FAAH2: variants seen among roughly 807,000 people sequenced by gnomAD.
FAAH2 encodes fatty-acid amide hydrolase 2.
In FAAH2, 60 loss-of-function variants were observed where a neutral mutation model predicts 36.9. The ratio of observed to expected loss-of-function variants is 1.63; its 90% CI spans 1.32 to 2.02. The LOEUF is 2.02. Among genes scored for constraint, FAAH2 ranks in the 30% most tolerant of loss-of-function variants. FAAH2 has a pLI of 0.00. For synonymous variants in FAAH2, 214 were observed against 143.8 expected (o/e 1.49, Z -3.49); for missense variants, 689 against 397.5 (o/e 1.73, Z -6.23).
intron 8 of FAAH2, among the ~76,000 whole-genome samples, chrX:57,435,570 A>G (rs1243771406): frequency 9.0e-6 from 1 of 110,548 alleles, no homozygotes; most frequent in East Asian, 2.8e-4. Context: ...TATAGCAGAT[A>G]TTAAATTAAA....
chrX:57,194,952 T>C, the FAAH2 span, among the ~76,000 whole-genome samples: 2 of 111,790 alleles, frequency 1.8e-5, no homozygotes, highest in Non-Finnish European at 3.8e-5. Flanking sequence ...CCATGGTGTG[T>C]GTGTATGTGT....
chrX:57,346,157 G>T (rs1368883553), intron 5 of FAAH2, among the ~76,000 whole-genome samples: 4 of 110,881 alleles, frequency 3.6e-5, no homozygotes, highest in Admixed American at 1.9e-4. Context: ...CAAATGTTAA[G>T]GTTATATCCT....
the FAAH2 span, among the ~76,000 whole-genome samples, chrX:57,138,041 A>T: frequency 1.8e-5 from 2 of 112,051 alleles, no homozygotes; most frequent in African/African-American, 6.5e-5. Flanking sequence ...GAATACATAC[A>T]TTAAGTGTTT....
chrX:57,168,440 G>A, the FAAH2 span, among the ~76,000 whole-genome samples: 1 of 111,141 alleles, frequency 9.0e-6, no homozygotes, highest in Non-Finnish European at 1.9e-5. Context: ...GCAACCATCT[G>A]TACTTATTTA....
chrX:57,478,072 C>A (rs1394620666), intron 10 of FAAH2, among the ~76,000 whole-genome samples: 1 of 112,078 alleles, frequency 8.9e-6, no homozygotes, highest in African/African-American at 3.2e-5. Flanking sequence ...ACACTGTCTT[C>A]CACAATAGTA....
At chrX:57,366,591 T>C (rs1242945824) in intron 5 of FAAH2, among the ~76,000 whole-genome samples, 2 of 112,359 alleles carry the variant, frequency 1.8e-5, no homozygotes, top group Non-Finnish European at 3.8e-5. Flanking sequence ...CGCATGTGCA[T>C]GCTGGCAGGG....
chrX:57,366,326 A>C (rs1055419059), intron 5 of FAAH2, among the ~76,000 whole-genome samples: 1 of 111,400 alleles, frequency 9.0e-6, no homozygotes, highest in African/African-American at 3.3e-5. Context: ...TCAGCTGAGC[A>C]CTCCTGGGCT....
rs776361166 is a variant in FAAH2, at chrX:57,299,697, C to A, written c.275+7117C>A. Among the ~76,000 whole-genome samples the A allele has an allele frequency of 1.0e-2, 1,112 of 111,461 alleles. 11 individuals carry two copies. Among genetic ancestry groups the A allele is most frequent in the African/African-American group, 0.034 (1,055 of 30,675 alleles). ...GTTTGCAGATGACATGATTGTATAT[C>A]TAGAAAACCCCATCATCTCAGCCCA... On this transcript the variant is annotated intron_variant, in intron 2 of 10. Transcript: ENST00000374900.
At chrX:57,454,877 T>C (rs765239339) in intron 10 of FAAH2, among the ~76,000 whole-genome samples, 1 of 111,887 alleles carries the variant, frequency 8.9e-6, no homozygotes, top group East Asian at 2.8e-4. Flanking sequence ...TAAAACATAT[T>C]TGAGGATATA....
chrX:57,202,030 G>T, the FAAH2 span, among the ~76,000 whole-genome samples: 1 of 109,729 alleles, frequency 9.1e-6, no homozygotes, highest in Non-Finnish European at 1.9e-5. Flanking sequence ...ATAGAATTCT[G>T]AATTACTTCC....
At chrX:57,359,817 G>A (rs1462615758) in intron 5 of FAAH2, among the ~76,000 whole-genome samples, 6 of 111,448 alleles carry the variant, frequency 5.4e-5, no homozygotes, top group African/African-American at 9.7e-5. Flanking sequence ...AGTGTCTTTT[G>A]ATTTCAACTT....
intron 4 of FAAH2, among the ~76,000 whole-genome samples, chrX:57,337,404 T>C (rs1169742897): frequency 9.0e-6 from 1 of 111,558 alleles, no homozygotes; most frequent in Non-Finnish European, 1.9e-5. Flanking sequence ...TAACTCATTT[T>C]ATGAGGCCAG....
At chrX:57,200,693 T>C in the FAAH2 span, among the ~76,000 whole-genome samples, 1 of 112,078 alleles carries the variant, frequency 8.9e-6, no homozygotes, top group Non-Finnish European at 1.9e-5. Flanking sequence ...TTCCACTGTT[T>C]AATTTTTTTC....
rs750129431 is a variant in FAAH2, at chrX:57,445,687, G to A, written c.1117-1241G>A. Reference sequence around the variant, plus strand: ...TGTTGCTTCATTTTACTATAGCTACGCTGGTACCCAACTTGCAAGACAAAA... The same window carrying A: ...TGTTGCTTCATTTTACTATAGCTACACTGGTACCCAACTTGCAAGACAAAA... On this transcript the variant is annotated intron_variant, in intron 8 of 10. Transcript: ENST00000374900. Among the ~76,000 whole-genome samples the A allele has an allele frequency of 3.6e-5, 4 of 111,912 alleles. 1 individual carries two copies. The highest frequency in any genetic ancestry group is 2.8e-4 in the East Asian group (1 of 3,548).
chrX:57,200,798 G>C, the FAAH2 span, among the ~76,000 whole-genome samples: 3 of 111,513 alleles, frequency 2.7e-5, no homozygotes, highest in African/African-American at 9.8e-5. Context: ...AAAGTAATTT[G>C]CACATCACTA....
intron 10 of FAAH2, among the ~76,000 whole-genome samples, chrX:57,471,597 G>A (rs2057167803): frequency 9.0e-6 from 1 of 111,633 alleles, no homozygotes. Flanking sequence ...AAAAGAGGAT[G>A]CACATAAATG....
In FAAH2 at chrX:57,379,569, G is replaced by A. The variant is rs202232617; in HGVS notation, c.878+783G>A. 4.8e-4 allele frequency among the ~76,000 whole-genome samples: 51 copies of A among 106,985 alleles called. 1 individual carries two copies. The highest frequency in any genetic ancestry group is 1.7e-3 in the African/African-American group (50 of 29,431). The allele number at this position is 106,985 out of a possible 115,157, so 92.9% of individuals were successfully genotyped here. Reference sequence around the variant, plus strand: ...CTCACACACACACACACACACACACGTGTGCGCACCCTTCTCATTATTATT... The same window carrying A: ...CTCACACACACACACACACACACACATGTGCGCACCCTTCTCATTATTATT... On this transcript the variant is annotated intron_variant, in intron 6 of 10. Coordinates refer to ENST00000374900, the MANE Select transcript of FAAH2 (RefSeq NM_174912.4).
chrX:57,396,927 G>C (rs1283081152), intron 7 of FAAH2, among the ~76,000 whole-genome samples: 1 of 111,610 alleles, frequency 9.0e-6, no homozygotes, highest in Admixed American at 9.5e-5. Flanking sequence ...TATTGTCAGT[G>C]AGTTATTTAC....
chrX:57,461,148 A>T (rs1569360854), intron 10 of FAAH2, among the ~76,000 whole-genome samples: 3 of 109,738 alleles, frequency 2.7e-5, no homozygotes, highest in African/African-American at 6.6e-5. Context: ...AGATTAATAA[A>T]AAAAAAAAAG....
Sources: allele counts gnomAD v4.1 joint callset (sites outside exome capture counted in the v4.1 genomes callset), GRCh38; gene constraint gnomAD v4.1.1; transcripts MANE v1.5; gene names NCBI Gene and HGNC (gene_info 2026-07-23, HGNC 2026-07-21).